TFRC: variants seen among roughly 807,000 people sequenced by gnomAD.
TFRC encodes the protein transferrin receptor protein 1.
In TFRC, 35 loss-of-function variants were observed where a neutral mutation model predicts 85.8. The ratio of observed to expected loss-of-function variants is 0.41; its 90% CI spans 0.31 to 0.54. TFRC has a LOEUF of 0.54. Among genes scored for constraint, TFRC ranks in the 20% least tolerant of loss-of-function variants. The pLI is 0.31. For missense variants in TFRC, 828 were observed against 921.5 expected (o/e 0.90, Z 1.31); for synonymous variants, 362 against 328.6 (o/e 1.10, Z -1.10).
rs366268 is a variant in TFRC at position 196,055,306 on chromosome 3, A to G, written c.1678-5T>C. 0.32 allele frequency: 510,215 copies of G among 1,611,244 alleles called. 82,046 individuals carry two copies. The highest frequency in any genetic ancestry group is 0.36 in the South Asian group (32,965 of 91,034). On this transcript the variant is annotated splice_region_variant and splice_polypyrimidine_tract_variant and intron_variant, in intron 16 of 18. Coordinates refer to ENST00000360110, the MANE Select transcript of TFRC (RefSeq NM_001128148.3). ...CAAATAAGGATAATCTGTGTCCTGC[A>G]AGACAACGCGAGGCTATGGTACTCA... is the stretch of plus-strand genomic sequence containing the variant.
chr3:196,077,524 G>A (rs1718807657), intron 1 of TFRC, among the ~76,000 whole-genome samples: 1 of 151,918 alleles, frequency 6.6e-6, no homozygotes, highest in Admixed American at 6.6e-5. Context: ...GGCTGAGATG[G>A]GTGGATCACC....
In TFRC at chr3:196,049,661, T is replaced by C. The variant is rs550130791; in HGVS notation, c.*2281A>G. The C allele has an allele frequency of 1.3e-5, 3 of 228,636 alleles. No individual in the cohort carries two copies. In the Admixed American group the frequency reaches 1.7e-4, roughly 13 times the overall value. The allele number at this position is 228,636 out of a possible 1,614,324, so 14.2% of individuals were successfully genotyped here. ...AAGAGACTCACTGCTGCAAAATGCA[T>C]GCCCTGTATTCATATTGTGTTATAC... On this transcript the variant is annotated 3_prime_UTR_variant, in exon 19 of 19. Transcript: ENST00000360110.
At chr3:196,059,955 T>C (rs1193705396) in intron 14 of TFRC, among the ~76,000 whole-genome samples, 2 of 152,222 alleles carry the variant, frequency 1.3e-5, no homozygotes, top group South Asian at 2.1e-4. Flanking sequence ...TTAGGCCTCA[T>C]GGCATTTTGT....
intron 4 of TFRC, among the ~76,000 whole-genome samples, chr3:196,072,433 AG>A (rs2108654079): frequency 6.6e-6 from 1 of 152,344 alleles, no homozygotes; most frequent in South Asian, 2.1e-4. Flanking sequence ...AGGGGAAATG[AG>A]TAGCTTCCAG....
At chr3:196,055,669 AGG>A (rs745455916) in intron 16 of TFRC, 3 of 302,390 alleles carry the variant, frequency 9.9e-6, no homozygotes, top group Non-Finnish European at 1.9e-5. Flanking sequence ...CCTTGAGACG[AGG>A]TCTCTCTGTC....
In TFRC at chr3:196,050,208, T is replaced by C. The variant is rs1398484898; in HGVS notation, c.*1734A>G. 3 of 225,722 alleles carry C rather than the reference T, an allele frequency of 1.3e-5. No individual in the cohort carries two copies. The highest frequency in any genetic ancestry group is 6.4e-5 in the East Asian group (1 of 15,600). 14.0% of individuals were successfully genotyped at this position (225,722 alleles called of 1,614,324 possible). A position where few individuals can be genotyped will look rare whatever the true frequency, so the allele number is the denominator to read the frequency against. ...TGATAAAGTTAAAATGACTTGTCAA[T>C]AGCAAACATTATAAATGTATGCTAC... On this transcript the variant is annotated 3_prime_UTR_variant, in exon 19 of 19. Transcript: ENST00000360110.
rs1716276022 is a variant in TFRC at position 196,051,192 on chromosome 3, T to C, written c.*750A>G. 1 of 217,104 alleles carries C rather than the reference T, an allele frequency of 4.6e-6. No homozygotes were observed. Among genetic ancestry groups the C allele is most frequent in the Non-Finnish European group, 9.3e-6 (1 of 107,606 alleles). The allele number at this position is 217,104 out of a possible 1,614,324, so 13.4% of individuals were successfully genotyped here. On this transcript the variant is annotated 3_prime_UTR_variant, in exon 19 of 19. Coordinates refer to ENST00000360110, the MANE Select transcript of TFRC (RefSeq NM_001128148.3). ...GCAACTAAACACCTGAAACTGGTTC[T>C]CTTTCAATGTGCTTTGGAAGAAACA...
chr3:196,057,996 C>T, intron 16 of TFRC: 1 of 249,680 alleles, frequency 4.0e-6, no homozygotes, highest in Non-Finnish European at 7.7e-6. Context: ...GCCACTGCAA[C>T]CTTGCACCAA....
At position 196,060,165 on chromosome 3, in the gene TFRC, G is replaced by A; in HGVS notation, c.1536+15C>T. The A allele has an allele frequency of 3.8e-6, 6 of 1,592,436 alleles. No individual in the cohort carries two copies. Among genetic ancestry groups the A allele is most frequent in the Non-Finnish European group, 5.1e-6 (6 of 1,167,768 alleles). Reference sequence around the variant, plus strand: ...AAATTAAGTCATACATTTTTGTAATGAGGTATATACTCACATTTTGCATTG... The same window carrying A: ...AAATTAAGTCATACATTTTTGTAATAAGGTATATACTCACATTTTGCATTG... On this transcript the variant is annotated intron_variant, in intron 14 of 18. Transcript: ENST00000360110.
intron 1 of TFRC, among the ~76,000 whole-genome samples, chr3:196,080,918 A>T (rs1176799427): frequency 6.6e-6 from 1 of 152,226 alleles, no homozygotes; most frequent in Non-Finnish European, 1.5e-5. Flanking sequence ...TTAGCATATA[A>T]GCATGGGGTA....
chr3:196,051,980 G>A lies in TFRC; in HGVS notation c.2245C>T (p.Leu749Phe), dbSNP rs1334917022. The A allele has an allele frequency of 8.1e-6, 13 of 1,614,044 alleles. No homozygotes were observed. Among genetic ancestry groups the A allele is most frequent in the Non-Finnish European group, 1.1e-5 (13 of 1,180,030 alleles). Residue 749 changes from leucine to phenylalanine, a missense_variant, in exon 19 of 19, where the codon CTC becomes TTC. Leu to Phe is a conservative substitution (Grantham distance 22). Coordinates refer to ENST00000360110, the MANE Select transcript of TFRC (RefSeq NM_001128148.3). ...TWTIQGAANA[L>F]SGDVWDIDNE... ...TCAATGTCCCAAACGTCACCAGAGAGGGCATTTGCAGCTCCCTGAATAGTC... is the reference window on the plus strand; with the variant it reads ...TCAATGTCCCAAACGTCACCAGAGAAGGCATTTGCAGCTCCCTGAATAGTC...
At position 196,065,583 on chromosome 3, in the gene TFRC, C is replaced by T. The variant is rs757132428; in HGVS notation, c.1058G>A (p.Cys353Tyr). ...AGAGTCTGTTTTCCAGTCAGAGGGA[C>T]AGTCTCCTTCCATATTCCTAGAATC... ...EKLFGNMEGDCPSDWKTDSTC... is the reference protein window; with the variant it reads ...EKLFGNMEGDYPSDWKTDSTC... Residue 353 changes from cysteine to tyrosine, a missense_variant, in exon 10 of 19, where the codon TGT becomes TAT. Physicochemically the swap from Cys to Tyr is radical, Grantham distance 194 (BLOSUM62 -2). Transcript: ENST00000360110. 6.2e-7 allele frequency: 1 copy of T among 1,602,192 alleles called. No individual in the cohort carries two copies. Among genetic ancestry groups the T allele is most frequent in the Non-Finnish European group, 8.5e-7 (1 of 1,177,132 alleles).
At chr3:196,081,628 G>A (rs902853299) in intron 1 of TFRC, among the ~76,000 whole-genome samples, 4 of 152,220 alleles carry the variant, frequency 2.6e-5, no homozygotes, top group Admixed American at 2.0e-4. Flanking sequence ...GCCCGGAGCC[G>A]GCGCACTAGG....
Position 196,051,923 on chromosome 3 carries a change from G to C in TFRC, c.*19C>G. ...ACCAGACTACCCTGCTGTTCTCATG[G>C]AAGCTATGGGTATCACATTTAAAAC... On this transcript the variant is annotated 3_prime_UTR_variant, in exon 19 of 19. Transcript: ENST00000360110. The C allele has an allele frequency of 6.2e-7, 1 of 1,611,068 alleles. No individual in the cohort carries two copies. The highest frequency in any genetic ancestry group is 8.5e-7 in the Non-Finnish European group (1 of 1,177,838).
At chr3:196,071,192 A>G (rs934360469) in intron 6 of TFRC, among the ~76,000 whole-genome samples, 6 of 152,270 alleles carry the variant, frequency 3.9e-5, no homozygotes, top group Admixed American at 1.3e-4. Context: ...GCAGTACTAT[A>G]AAGAAAAAAT....
rs189515717 is a variant in TFRC at position 196,065,994 on chromosome 3, A to C, written c.1041-394T>G. Among the ~76,000 whole-genome samples, 881 of 150,352 alleles carry C rather than the reference A, an allele frequency of 5.9e-3. 10 individuals are homozygous for C. Among genetic ancestry groups the C allele is most frequent in the African/African-American group, 0.016 (668 of 41,380 alleles). On this transcript the variant is annotated intron_variant, in intron 9 of 18. Transcript: ENST00000360110. ...ACAGAGCACAAGTCCTGTCTCAAAA[A>C]AAAACAAAACAAAACAAAACAAAAT...
At position 196,050,022 on chromosome 3, in the gene TFRC, C is replaced by A; in HGVS notation, c.*1920G>T. ...TTATTCATACCTACATTTAATTGAT[C>A]ACCACGAATGGGTAGGCAGACGTGT... is the stretch of plus-strand genomic sequence containing the variant. On this transcript the variant is annotated 3_prime_UTR_variant, in exon 19 of 19. Coordinates refer to ENST00000360110, the MANE Select transcript of TFRC (RefSeq NM_001128148.3). 1 of 231,334 alleles carries A rather than the reference C, an allele frequency of 4.3e-6. No homozygotes were observed. Among genetic ancestry groups the A allele is most frequent in the Non-Finnish European group, 8.6e-6 (1 of 116,864 alleles). The allele number at this position is 231,334 out of a possible 1,614,324, so 14.3% of individuals were successfully genotyped here.
intron 11 of TFRC, 110 bp from the exon 12 acceptor site, chr3:196,063,049 C>A: frequency 5.5e-6 from 4 of 723,098 alleles, no homozygotes; most frequent in Admixed American, 7.3e-5. Context: ...ATAGCAGATT[C>A]CAAAATCTTT....
intron 1 of TFRC, among the ~76,000 whole-genome samples, chr3:196,081,161 C>T (rs1719138073): frequency 6.6e-6 from 1 of 152,230 alleles, no homozygotes; most frequent in African/African-American, 2.4e-5. Flanking sequence ...CAATCCAGCA[C>T]AGCCCTCTGA....
Sources: gnomAD v4.1 joint callset for allele counts (sites outside exome capture counted in the v4.1 genomes callset) on GRCh38, gnomAD v4.1.1 for gene constraint, MANE v1.5 for transcripts, NCBI Gene and HGNC (gene_info 2026-07-23, HGNC 2026-07-21) for gene names.